The following DRICH1 variants were observed in gnomAD, a reference collection of about 807,000 sequenced individuals.
DRICH1 encodes the protein aspartate rich 1.
A neutral mutation model predicts 39.5 loss-of-function variants in DRICH1; 38 were observed. The observed-to-expected ratio is 0.96, with a 90% CI of 0.74 to 1.26. DRICH1 has a LOEUF of 1.26. DRICH1 is among the 50% of genes most tolerant of loss of function. DRICH1 has a pLI of 0.00. For missense variants in DRICH1, 279 were observed against 270.4 expected, an observed-to-expected ratio of 1.03 and a Z score of -0.22; for synonymous variants, 84 against 99.5, an observed-to-expected ratio of 0.84 and a Z score of 0.93.
In DRICH1 at chr22:23,613,629, T is replaced by C. The variant is rs1927172421; in HGVS notation, c.643+10A>G. On this transcript the variant is annotated intron_variant, in intron 10 of 11. Transcript: ENST00000317749. ...TTCCCTCAGGAAGTGAGTTATCTCA[T>C]GGTACATACCACTTTCTATCCGAGC... is the stretch of plus-strand genomic sequence containing the variant. 1 of 1,600,968 alleles carries C rather than the reference T, an allele frequency of 6.2e-7. No individual in the cohort carries two copies. Among genetic ancestry groups the C allele is most frequent in the Non-Finnish European group, 8.6e-7 (1 of 1,168,422 alleles).
Position 23,608,699 on chromosome 22 carries a change from G to C in DRICH1, c.*65C>G. On this transcript the variant is annotated 3_prime_UTR_variant, in exon 12 of 12. Coordinates refer to ENST00000317749, the MANE Select transcript of DRICH1 (RefSeq NM_016449.4). Reference sequence around the variant, plus strand: ...TTGAGACCTCCAGGGGCAAAGCTGGGGACCCTGCAGCACGCGCTGGCCTGC... The same window carrying C: ...TTGAGACCTCCAGGGGCAAAGCTGGCGACCCTGCAGCACGCGCTGGCCTGC... The C allele has an allele frequency of 6.6e-7, 1 of 1,517,362 alleles. No homozygotes were observed. The allele number at this position is 1,517,362 out of a possible 1,614,324, so 94.0% of individuals were successfully genotyped here.
chr22:23,613,282 T>C lies in DRICH1; in HGVS notation c.685+7A>G. On this transcript the variant is annotated splice_region_variant and intron_variant, in intron 11 of 11. Transcript: ENST00000317749. ...CATTGGGTTTTTGCTGGCACGTAGT[T>C]CCCTACCTGGATGAATCTCTTCATC... The C allele has an allele frequency of 6.2e-7, 1 of 1,611,582 alleles. No homozygotes were observed. Among genetic ancestry groups the C allele is most frequent in the Non-Finnish European group, 8.5e-7 (1 of 1,178,608 alleles).
the DRICH1 span, among the ~76,000 whole-genome samples, chr22:23,601,692 G>C: frequency 0.014 from 2,151 of 150,972 alleles, 25 homozygotes; most frequent in African/African-American, 0.044. Context: ...AGGTGCTACC[G>C]TTGAGGGAAC....
At chr22:23,622,487 CTTCAAAACCAACAGTATT>C (rs1225686651) in intron 3 of DRICH1, among the ~76,000 whole-genome samples, 2 of 147,854 alleles carry the variant, frequency 1.4e-5, no homozygotes, top group African/African-American at 5.0e-5. Flanking sequence ...TTTTGAAACT[CTTCAAAACCAACAGTATT>C]TTCTTAATGT....
At chr22:23,597,544 A>G in the DRICH1 span, among the ~76,000 whole-genome samples, 1 of 151,986 alleles carries the variant, frequency 6.6e-6, no homozygotes, top group Non-Finnish European at 1.5e-5. Context: ...AAAGTACATA[A>G]ATACACAGAT....
At chr22:23,625,731 G>A (rs543019093) in intron 2 of DRICH1, among the ~76,000 whole-genome samples, 51 of 152,144 alleles carry the variant, frequency 3.4e-4, no homozygotes, top group African/African-American at 1.0e-3. Flanking sequence ...TGTGACACCC[G>A]GGAAGATTGT....
At chr22:23,581,702 G>C in the DRICH1 span, 1 of 149,788 alleles carries the variant, frequency 6.7e-6, no homozygotes. Flanking sequence ...CGAATCCCTG[G>C]TTCAAGCGAT....
At chr22:23,630,585 G>C (rs926127933) in intron 1 of DRICH1, 3 of 152,154 alleles carry the variant, frequency 2.0e-5, no homozygotes, top group East Asian at 3.8e-4. Context: ...CATAGGCCAG[G>C]AATTCAAGAA....
At chr22:23,582,228 C>T in the DRICH1 span, among the ~76,000 whole-genome samples, 7 of 147,210 alleles carry the variant, frequency 4.8e-5, no homozygotes, top group Admixed American at 1.4e-4. Context: ...CCACCTGCCT[C>T]GGCCTCCCAA....
downstream of DRICH1, among the ~76,000 whole-genome samples, chr22:23,603,452 C>T (rs899248636): frequency 2.0e-5 from 3 of 152,100 alleles, no homozygotes; most frequent in East Asian, 5.8e-4. Context: ...TGCTCTACAC[C>T]AGCCTCTCAT....
chr22:23,589,005 A>C, the DRICH1 span, among the ~76,000 whole-genome samples: 2 of 151,816 alleles, frequency 1.3e-5, no homozygotes, highest in African/African-American at 4.8e-5. Context: ...CATATAACCC[A>C]AACAAGCTAA....
At chr22:23,622,866 C>T (rs1927841640) in intron 3 of DRICH1, among the ~76,000 whole-genome samples, 1 of 152,190 alleles carries the variant, frequency 6.6e-6, no homozygotes, top group Admixed American at 6.5e-5. Flanking sequence ...ACAGGCCAAG[C>T]TCACACAGCC....
chr22:23,581,424 G>A, the DRICH1 span: 2 of 152,314 alleles, frequency 1.3e-5, no homozygotes, highest in Non-Finnish European at 2.9e-5. Context: ...TGCCAGAGAC[G>A]CCTCAGGTCA....
At chr22:23,619,807 C>CATACTCAGGGAGATGTCTTGAT (rs1927609100) in intron 5 of DRICH1, among the ~76,000 whole-genome samples, 1 of 152,158 alleles carries the variant, frequency 6.6e-6, no homozygotes, top group African/African-American at 2.4e-5. Flanking sequence ...TTCTGTCCTC[C>CATACTCAGGGAGATGTCTTGAT]ACACTCAGGG....
chr22:23,614,074 G>T, intron 9 of DRICH1, 61 bp downstream of exon 9: 1 of 1,113,042 alleles, frequency 9.0e-7, no homozygotes, highest in South Asian at 1.3e-5. Context: ...AAAATTAATT[G>T]AGAAATAAAG....
intron 2 of DRICH1, 137 bp from the exon 3 acceptor site, chr22:23,625,041 C>T (rs778361864): frequency 8.0e-5 from 80 of 995,418 alleles, no homozygotes; most frequent in Middle Eastern, 4.3e-4. Flanking sequence ...AGACAAAACA[C>T]TTTAGCATAG....
At chr22:23,628,823 T>C (rs1263566713) in intron 1 of DRICH1, among the ~76,000 whole-genome samples, 2 of 152,080 alleles carry the variant, frequency 1.3e-5, no homozygotes, top group African/African-American at 4.8e-5. Context: ...CCCCACCAAT[T>C]TCTGCCAGTG....
the DRICH1 span, among the ~76,000 whole-genome samples, chr22:23,586,801 T>A: frequency 7.2e-5 from 11 of 152,186 alleles, no homozygotes; most frequent in Non-Finnish European, 1.3e-4. Context: ...CGCCTCAGCC[T>A]CCCAAAGTGC....
chr22:23,617,789 T>C, intron 6 of DRICH1, 132 bp from the exon 7 acceptor site: 2 of 891,682 alleles, frequency 2.2e-6, no homozygotes, highest in Non-Finnish European at 3.6e-6. Context: ...GGAAGAGGGA[T>C]GGCAGAGGAG....
Sources: allele counts gnomAD v4.1 joint callset (sites outside exome capture counted in the v4.1 genomes callset), GRCh38; gene constraint gnomAD v4.1.1; transcripts MANE v1.5; gene names NCBI Gene and HGNC (gene_info 2026-07-23, HGNC 2026-07-21).